Variants in KHDRBS3 observed in about 807,000 individuals in gnomAD.
KHDRBS3 encodes the protein KH domain-containing, RNA-binding, signal transduction-associated protein 3.
A neutral mutation model predicts 45.6 loss-of-function variants in KHDRBS3; 23 were observed. That is an observed-to-expected ratio of 0.50 (90% CI 0.36 to 0.72). The LOEUF (loss-of-function observed/expected upper bound fraction) is 0.72. KHDRBS3 is among the 30% of genes least tolerant of loss of function. The pLI is 0.00. For synonymous variants in KHDRBS3, 162 were observed against 156.5 expected, an observed-to-expected ratio of 1.04 and a Z score of -0.26; for missense variants, 352 against 424.8, an observed-to-expected ratio of 0.83 and a Z score of 1.51.
intron 7 of KHDRBS3, among the ~76,000 whole-genome samples, chr8:135,622,893 G>A (rs1470400834): frequency 6.6e-6 from 1 of 152,192 alleles, no homozygotes; most frequent in Non-Finnish European, 1.5e-5. Flanking sequence ...TTTCCTCAAA[G>A]TTGTATATTT....
chr8:135,584,373 G>A (rs994114457), intron 6 of KHDRBS3, among the ~76,000 whole-genome samples: 16 of 152,194 alleles, frequency 1.1e-4, no homozygotes, highest in Middle Eastern at 3.2e-3. Context: ...TGTGCTTTGG[G>A]TGGTATAGTG....
intron 1 of KHDRBS3, among the ~76,000 whole-genome samples, chr8:135,484,533 C>G (rs1183754821): frequency 6.6e-6 from 1 of 152,238 alleles, no homozygotes. Context: ...GCTCACAACC[C>G]GCCTCTGTGT....
At chr8:135,626,815 A>G (rs1830390665) in intron 7 of KHDRBS3, among the ~76,000 whole-genome samples, 1 of 105,424 alleles carries the variant, frequency 9.5e-6, no homozygotes, top group Non-Finnish European at 1.8e-5. Context: ...AAAAAAAAAA[A>G]AAAAAAAAAG....
At position 135,577,504 on chromosome 8, in the gene KHDRBS3, A is replaced by C. The variant is rs563846533; in HGVS notation, c.612-4374A>C. ...TTCAGTATGTCATACAGTTGAAAGC[A>C]TATAGTATGTAGCCTTTCCAGAGTG... On this transcript the variant is annotated intron_variant, in intron 5 of 8. Coordinates refer to ENST00000355849, the MANE Select transcript of KHDRBS3 (RefSeq NM_006558.3). Among the ~76,000 whole-genome samples the C allele has an allele frequency of 2.0e-5, 3 of 152,170 alleles. No individual in the cohort carries two copies. In the South Asian group the frequency reaches 6.2e-4, roughly 32 times the overall value.
intron 6 of KHDRBS3, among the ~76,000 whole-genome samples, chr8:135,584,737 C>T (rs1342681976): frequency 1.3e-5 from 2 of 152,116 alleles, no homozygotes; most frequent in African/African-American, 2.4e-5. Flanking sequence ...TGCAGATACC[C>T]GTTTGACCTC....
At chr8:135,486,748 AT>A (rs1242031926) in intron 1 of KHDRBS3, among the ~76,000 whole-genome samples, 1 of 152,230 alleles carries the variant, frequency 6.6e-6, no homozygotes, top group Non-Finnish European at 1.5e-5. Context: ...TTTGAATAAT[AT>A]TCCTTGGTGT....
intron 1 of KHDRBS3, among the ~76,000 whole-genome samples, chr8:135,501,233 C>T (rs1823719993): frequency 6.6e-6 from 1 of 152,164 alleles, no homozygotes; most frequent in Admixed American, 6.6e-5. Context: ...ATTCTGAGCT[C>T]TTTTTCTTTA....
At chr8:135,575,649 A>AT (rs964205399) in intron 5 of KHDRBS3, among the ~76,000 whole-genome samples, 99 of 148,800 alleles carry the variant, frequency 6.7e-4, no homozygotes, top group African/African-American at 1.3e-3. Flanking sequence ...CAAAATTGAG[A>AT]TTTTTTTTTT....
At chr8:135,576,761 G>A (rs1381518904) in intron 5 of KHDRBS3, among the ~76,000 whole-genome samples, 4 of 152,160 alleles carry the variant, frequency 2.6e-5, no homozygotes, top group African/African-American at 9.7e-5. Flanking sequence ...TTTCTGGGAT[G>A]TGCTGAAGTC....
At chr8:135,586,142 T>C (rs1023667121) in intron 6 of KHDRBS3, among the ~76,000 whole-genome samples, 1 of 152,140 alleles carries the variant, frequency 6.6e-6, no homozygotes, top group Non-Finnish European at 1.5e-5. Flanking sequence ...CAAGGCACTT[T>C]GATATATGTC....
chr8:135,543,195 A>T (rs544721774), intron 3 of KHDRBS3, among the ~76,000 whole-genome samples: 2 of 152,016 alleles, frequency 1.3e-5, no homozygotes, highest in African/African-American at 2.4e-5. Context: ...CTTTTATTTG[A>T]TATTGTGTGC....
At chr8:135,507,563 T>G (rs542511522) in intron 1 of KHDRBS3, among the ~76,000 whole-genome samples, 2 of 152,340 alleles carry the variant, frequency 1.3e-5, no homozygotes, top group Admixed American at 1.3e-4. Context: ...ACGAAATCCC[T>G]ACGTTTTTAA....
chr8:135,556,568 T>C (rs1019882310), intron 4 of KHDRBS3, among the ~76,000 whole-genome samples: 1 of 152,216 alleles, frequency 6.6e-6, no homozygotes, highest in Non-Finnish European at 1.5e-5. Flanking sequence ...TTGCCCATTT[T>C]TTGATGGGGT....
chr8:135,561,260 C>T (rs186402399), intron 5 of KHDRBS3, among the ~76,000 whole-genome samples: 15 of 152,232 alleles, frequency 9.9e-5, no homozygotes, highest in African/African-American at 3.4e-4. Flanking sequence ...TTAACAAACA[C>T]TTATATTGCA....
At chr8:135,488,201 G>A (rs1286569421) in intron 1 of KHDRBS3, among the ~76,000 whole-genome samples, 1 of 152,078 alleles carries the variant, frequency 6.6e-6, no homozygotes, top group Non-Finnish European at 1.5e-5. Context: ...GATTTTAACT[G>A]GTACATGTGC....
intron 5 of KHDRBS3, among the ~76,000 whole-genome samples, chr8:135,578,265 T>G (rs1828039329): frequency 6.6e-6 from 1 of 152,168 alleles, no homozygotes; most frequent in South Asian, 2.1e-4. Context: ...AATTTTTCTT[T>G]CAAGGACTTT....
At chr8:135,637,328 T>C (rs1830855275) in intron 7 of KHDRBS3, among the ~76,000 whole-genome samples, 1 of 152,188 alleles carries the variant, frequency 6.6e-6, no homozygotes, top group African/African-American at 2.4e-5. Context: ...TTCCTAACGG[T>C]TATTGTAACA....
intron 3 of KHDRBS3, among the ~76,000 whole-genome samples, chr8:135,547,207 A>G (rs1826351201): frequency 6.6e-6 from 1 of 152,218 alleles, no homozygotes; most frequent in Non-Finnish European, 1.5e-5. Context: ...GGAAATTTAT[A>G]GAATATTATG....
intron 4 of KHDRBS3, among the ~76,000 whole-genome samples, chr8:135,555,854 A>ACGTTAATT (rs1286355857): frequency 6.6e-6 from 1 of 152,012 alleles, no homozygotes; most frequent in Admixed American, 6.6e-5. Context: ...CCCGTCACCT[A>ACGTTAATT]CGTTAATTCT....
Sources: gnomAD v4.1 joint callset for allele counts (sites outside exome capture counted in the v4.1 genomes callset) on GRCh38, gnomAD v4.1.1 for gene constraint, MANE v1.5 for transcripts, NCBI Gene and HGNC (gene_info 2026-07-23, HGNC 2026-07-21) for gene names.